Variants in ZDHHC14 observed in about 807,000 individuals in gnomAD.
ZDHHC14 encodes the protein zDHHC palmitoyltransferase 14.
Under a neutral mutation model 47.7 loss-of-function variants are expected in ZDHHC14, and 16 were observed. That is an observed-to-expected ratio of 0.34 (90% CI 0.23 to 0.51). ZDHHC14 has a LOEUF of 0.51. Among genes scored for constraint, ZDHHC14 ranks in the 20% least tolerant of loss-of-function variants. ZDHHC14 has a pLI of 0.97. For synonymous variants in ZDHHC14, 293 were observed against 278.9 expected (o/e 1.05, Z -0.50); for missense variants, 515 against 662.5 (o/e 0.78, Z 2.44).
chr6:157,452,897 G>A (rs937225426), intron 1 of ZDHHC14, among the ~76,000 whole-genome samples: 9 of 151,860 alleles, frequency 5.9e-5, no homozygotes, highest in Non-Finnish European at 8.8e-5. Flanking sequence ...TAGAGACAGG[G>A]TTTCACCGTG....
intron 5 of ZDHHC14, among the ~76,000 whole-genome samples, chr6:157,634,755 G>T (rs143842027): frequency 6.6e-6 from 1 of 152,198 alleles, no homozygotes; most frequent in African/African-American, 2.4e-5. Flanking sequence ...AACCCTGTGC[G>T]TGTGCAGGAG....
chr6:157,518,696 G>A (rs1363831677), intron 1 of ZDHHC14, among the ~76,000 whole-genome samples: 3 of 129,882 alleles, frequency 2.3e-5, no homozygotes, highest in Admixed American at 9.7e-5. Flanking sequence ...GTTGTTTCAC[G>A]TGAGCCTGTG....
At chr6:157,626,890 T>TGGGGGGGGGG (rs113464326) in intron 3 of ZDHHC14, among the ~76,000 whole-genome samples, 3 of 135,284 alleles carry the variant, frequency 2.2e-5, no homozygotes, top group African/African-American at 5.4e-5. Context: ...CTTTTCCAGC[T>TGGGGGGGGGG]GGGGGGGGGG....
chr6:157,603,521 A>C (rs1784418684), intron 3 of ZDHHC14, among the ~76,000 whole-genome samples: 1 of 152,172 alleles, frequency 6.6e-6, no homozygotes, highest in Non-Finnish European at 1.5e-5. Flanking sequence ...GAGGGCTGGA[A>C]TTCAGCCCTA....
In ZDHHC14 at chr6:157,648,361, G is replaced by A. The variant is rs558289827; in HGVS notation, c.965+993G>A. Among the ~76,000 whole-genome samples the A allele has an allele frequency of 3.3e-5, 5 of 152,216 alleles. No individual in the cohort carries two copies. The South Asian group carries it at 8.3e-4, about 25-fold the overall frequency. The stretch of plus-strand genomic sequence containing the variant: ...ACCCACTGTGCACCCAGACCTTACC[G>A]ATATGCGCTTGTGGAATGCAAACTT... On this transcript the variant is annotated intron_variant, in intron 7 of 8. Transcript: ENST00000359775.
intron 2 of ZDHHC14, among the ~76,000 whole-genome samples, chr6:157,564,629 T>C (rs141867563): frequency 0.017 from 2,580 of 152,308 alleles, 65 homozygotes; most frequent in African/African-American, 0.058. Context: ...TAGACCAAAC[T>C]GCTATTGATC....
At chr6:157,618,558 A>G (rs189190324) in intron 3 of ZDHHC14, among the ~76,000 whole-genome samples, 2 of 152,066 alleles carry the variant, frequency 1.3e-5, no homozygotes, top group Middle Eastern at 3.4e-3. Flanking sequence ...CTGACCTCAA[A>G]TGATCCACCC....
chr6:157,662,285 G>T lies in ZDHHC14; in HGVS notation c.1068+8658G>T, dbSNP rs149389159. Among the ~76,000 whole-genome samples the T allele has an allele frequency of 7.2e-4, 109 of 152,028 alleles. No homozygotes were observed. The Middle Eastern group carries it at 0.01, about 14-fold the overall frequency. Reference sequence around the variant, plus strand: ...CACTCTTGACCTCCCGGGTTCAAGCGATTCTCCTGCCTCAGACCCCCACAT... The same window carrying T: ...CACTCTTGACCTCCCGGGTTCAAGCTATTCTCCTGCCTCAGACCCCCACAT... On this transcript the variant is annotated intron_variant, in intron 8 of 8. Coordinates refer to ENST00000359775, the MANE Select transcript of ZDHHC14 (RefSeq NM_024630.3).
intron 3 of ZDHHC14, among the ~76,000 whole-genome samples, chr6:157,595,931 G>A (rs1784110334): frequency 6.6e-6 from 1 of 152,204 alleles, no homozygotes; most frequent in African/African-American, 2.4e-5. Flanking sequence ...AGAGGAAGTG[G>A]GGAAGTTTGG....
intron 1 of ZDHHC14, among the ~76,000 whole-genome samples, chr6:157,540,810 CT>C (rs1441444587): frequency 1.3e-5 from 2 of 151,128 alleles, no homozygotes; most frequent in Non-Finnish European, 2.9e-5. Context: ...AAAATTCCCC[CT>C]AAAGTAGATT....
At chr6:157,554,544 C>G (rs1340129877) in intron 2 of ZDHHC14, among the ~76,000 whole-genome samples, 2 of 152,134 alleles carry the variant, frequency 1.3e-5, no homozygotes, top group Non-Finnish European at 2.9e-5. Flanking sequence ...CATTTCAGTT[C>G]AGACTAGCCA....
Position 157,394,007 on chromosome 6 carries a change from G to A in ZDHHC14, c.245+11741G>A, listed in dbSNP as rs79980386. On this transcript the variant is annotated intron_variant, in intron 1 of 8. Transcript: ENST00000359775. ...TCTTGCCTGTAGAGATCTCTGCCGA[G>A]GTGTCCTCTGACTCCCAGAAAGCAA... 3.4e-4 allele frequency among the ~76,000 whole-genome samples: 52 copies of A among 152,162 alleles called. No individual in the cohort carries two copies. In the East Asian group the frequency reaches 9.7e-3, roughly 28 times the overall value.
At chr6:157,488,571 G>A (rs959874636) in intron 1 of ZDHHC14, among the ~76,000 whole-genome samples, 4 of 152,158 alleles carry the variant, frequency 2.6e-5, no homozygotes, top group Non-Finnish European at 4.4e-5. Context: ...AATCTCAGAT[G>A]GCCACAAGGC....
Position 157,593,011 on chromosome 6 carries a change from G to C in ZDHHC14, c.430G>C (p.Gly144Arg), listed in dbSNP as rs758955843. ...AGATATCGCAAACGGCACCAGTTCAGGGGGGTACCGCCCGCCTCCCAGAAC... is the reference window on the plus strand; with the variant it reads ...AGATATCGCAAACGGCACCAGTTCACGGGGGTACCGCCCGCCTCCCAGAAC... Reference protein sequence around the residue: ...QIDIANGTSSGGYRPPPRTKE... With the variant: ...QIDIANGTSSRGYRPPPRTKE... Residue 144 changes from glycine to arginine, a missense_variant, in exon 3 of 9, where the codon GGG (glycine) becomes CGG (arginine). Gly to Arg is a moderately radical substitution (Grantham distance 125, BLOSUM62 -2). Coordinates refer to ENST00000359775, the MANE Select transcript of ZDHHC14 (RefSeq NM_024630.3). The C allele has an allele frequency of 3.1e-6, 5 of 1,613,570 alleles. No individual in the cohort carries two copies. The highest frequency in any genetic ancestry group is 1.7e-4 in the Middle Eastern group (1 of 6,060).
intron 1 of ZDHHC14, among the ~76,000 whole-genome samples, chr6:157,539,670 C>T (rs1781674672): frequency 6.6e-6 from 1 of 152,150 alleles, no homozygotes; most frequent in South Asian, 2.1e-4. Flanking sequence ...TTAACCATCT[C>T]CTAGACCCAG....
intron 1 of ZDHHC14, among the ~76,000 whole-genome samples, chr6:157,541,164 C>T (rs1781748960): frequency 6.6e-6 from 1 of 152,032 alleles, no homozygotes; most frequent in African/African-American, 2.4e-5. Context: ...TTCATCATGG[C>T]ACTTTATTCC....
chr6:157,439,026 G>T (rs1778505485), intron 1 of ZDHHC14, among the ~76,000 whole-genome samples: 1 of 152,166 alleles, frequency 6.6e-6, no homozygotes, highest in South Asian at 2.1e-4. Flanking sequence ...AGTTTTTCTG[G>T]CAGTTCATGT....
At chr6:157,591,447 T>G (rs1783905179) in intron 2 of ZDHHC14, among the ~76,000 whole-genome samples, 1 of 152,204 alleles carries the variant, frequency 6.6e-6, no homozygotes, top group Non-Finnish European at 1.5e-5. Context: ...TAAGAGGCTT[T>G]TTCCCCCTTT....
chr6:157,642,023 AAGATAGATAGATAGATAGATAGAT>A (rs77223982), intron 5 of ZDHHC14, among the ~76,000 whole-genome samples: 1 of 146,608 alleles, frequency 6.8e-6, no homozygotes, highest in African/African-American at 2.5e-5. Flanking sequence ...GTATATTTTG[AAGATAGATAGATAGATAGATAGAT>A]AGATAGATAG....
Sources: gnomAD v4.1 joint callset for allele counts (sites outside exome capture counted in the v4.1 genomes callset) on GRCh38, gnomAD v4.1.1 for gene constraint, MANE v1.5 for transcripts, NCBI Gene and HGNC (gene_info 2026-07-23, HGNC 2026-07-21) for gene names.